Variants in ARHGAP24 observed in about 807,000 individuals in gnomAD.
The protein encoded by ARHGAP24 is Rho GTPase activating protein 24.
In ARHGAP24, 50 loss-of-function variants were observed where a neutral mutation model predicts 76.4. The ratio of observed to expected loss-of-function variants is 0.65; its 90% CI spans 0.52 to 0.83. The LOEUF (loss-of-function observed/expected upper bound fraction) is 0.83. Among genes scored for constraint, ARHGAP24 ranks in the 40% least tolerant of loss-of-function variants. ARHGAP24 has a pLI of 0.00. For missense variants in ARHGAP24, 930 were observed against 914.2 expected (o/e 1.02, Z -0.22); for synonymous variants, 345 against 323.3 (o/e 1.07, Z -0.72).
chr4:85,971,297 A>T (rs1738963257), intron 5 of ARHGAP24, among the ~76,000 whole-genome samples: 1 of 152,206 alleles, frequency 6.6e-6, no homozygotes, highest in African/African-American at 2.4e-5. Context: ...TTTGATATTG[A>T]ATACACACAT....
At chr4:85,640,706 A>G (rs1361974489) in intron 2 of ARHGAP24, among the ~76,000 whole-genome samples, 5 of 152,166 alleles carry the variant, frequency 3.3e-5, no homozygotes. Flanking sequence ...TCAACTGAAT[A>G]AAAGGGTAAC....
At chr4:85,678,717 T>C (rs1723089852) in intron 2 of ARHGAP24, among the ~76,000 whole-genome samples, 1 of 152,198 alleles carries the variant, frequency 6.6e-6, no homozygotes, top group Admixed American at 6.5e-5. Flanking sequence ...CTCATATTCA[T>C]CTGAATTTCA....
rs1214768278 is a variant in ARHGAP24 at position 85,961,525 on chromosome 4, A to G, written c.600-10511A>G. 2.8e-5 allele frequency among the ~76,000 whole-genome samples: 4 copies of G among 141,010 alleles called. No individual in the cohort carries two copies. In the East Asian group the frequency reaches 8.5e-4, roughly 30 times the overall value. The allele number at this position is 141,010 out of a possible 152,430, so 92.5% of individuals were successfully genotyped here. ...GAAAATATATTTTCTAGAAAAGAAT[A>G]TATGTGTTTTTTCATTGTTCATCCC... is the stretch of plus-strand genomic sequence containing the variant. On this transcript the variant is annotated intron_variant, in intron 5 of 9. Transcript: ENST00000395184.
chr4:85,494,149 C>CT (rs1050483861), intron 1 of ARHGAP24, among the ~76,000 whole-genome samples: 3 of 152,036 alleles, frequency 2.0e-5, no homozygotes, highest in Admixed American at 1.3e-4. Flanking sequence ...ATCATGTTTT[C>CT]TTTTTTTTCT....
chr4:85,936,033 G>T lies in ARHGAP24; in HGVS notation c.392-6033G>T, dbSNP rs150286869. On this transcript the variant is annotated intron_variant, in intron 4 of 9. Coordinates refer to ENST00000395184, the MANE Select transcript of ARHGAP24 (RefSeq NM_001025616.3). ...TTGCCTTGCTTTGTTTCTTAGTTCT[G>T]TACTAAAATGGATGTATTTTACTTT... 1.8e-4 allele frequency among the ~76,000 whole-genome samples: 28 copies of T among 152,202 alleles called. No individual in the cohort carries two copies. In the East Asian group the frequency reaches 4.6e-3, roughly 25 times the overall value.
chr4:85,693,823 G>A (rs923776773), intron 2 of ARHGAP24, among the ~76,000 whole-genome samples: 4 of 152,194 alleles, frequency 2.6e-5, no homozygotes, highest in African/African-American at 9.7e-5. Context: ...CAGGGGGCAT[G>A]GGTGCCTATG....
rs193061322 is a variant in ARHGAP24 at position 85,965,703 on chromosome 4, A to G, written c.600-6333A>G. On this transcript the variant is annotated intron_variant, in intron 5 of 9. Coordinates refer to ENST00000395184, the MANE Select transcript of ARHGAP24 (RefSeq NM_001025616.3). Reference sequence around the variant, plus strand: ...GCCAAAGCTTTAACCCAGATCAATTATACCAGAATGTATAAAACCTAGTCA... The same window carrying G: ...GCCAAAGCTTTAACCCAGATCAATTGTACCAGAATGTATAAAACCTAGTCA... Among the ~76,000 whole-genome samples the G allele has an allele frequency of 7.2e-5, 11 of 152,310 alleles. No individual in the cohort carries two copies. The East Asian group carries it at 1.9e-3, about 27-fold the overall frequency.
rs571590023 is a variant in ARHGAP24 at position 85,696,632 on chromosome 4, C to T, written c.181-25253C>T. On this transcript the variant is annotated intron_variant, in intron 2 of 9. Transcript: ENST00000395184. ...ATAAGTTGAATGCCCTGTTATACAT[C>T]TTAAGTTTTACATCAAATGGCAATT... 7.0e-4 allele frequency among the ~76,000 whole-genome samples: 107 copies of T among 152,236 alleles called. 2 individuals are homozygous for T. The highest frequency in any genetic ancestry group is 2.6e-3 in the African/African-American group (106 of 41,528).
At chr4:85,993,690 A>G (rs564449805) in intron 8 of ARHGAP24, among the ~76,000 whole-genome samples, 1 of 152,320 alleles carries the variant, frequency 6.6e-6, no homozygotes, top group East Asian at 1.9e-4. Context: ...TATAGAAACT[A>G]CATAAAATCC....
At chr4:85,507,284 C>G (rs888336212) in intron 1 of ARHGAP24, among the ~76,000 whole-genome samples, 1 of 151,968 alleles carries the variant, frequency 6.6e-6, no homozygotes, top group Admixed American at 6.6e-5. Context: ...TGCAGTGGTG[C>G]GATCATGGCT....
chr4:85,506,126 A>C (rs1724038160), intron 1 of ARHGAP24, among the ~76,000 whole-genome samples: 1 of 152,108 alleles, frequency 6.6e-6, no homozygotes, highest in African/African-American at 2.4e-5. Context: ...TTCGTCCAAG[A>C]GAGGCACCTG....
chr4:85,553,701 C>T (rs1726240212), intron 1 of ARHGAP24, among the ~76,000 whole-genome samples: 1 of 152,210 alleles, frequency 6.6e-6, no homozygotes, highest in African/African-American at 2.4e-5. Flanking sequence ...CTGGCTTCAC[C>T]TCTCAATTGC....
intron 3 of ARHGAP24, among the ~76,000 whole-genome samples, chr4:85,868,898 A>G (rs750406855): frequency 2.0e-5 from 3 of 152,010 alleles, no homozygotes; most frequent in Non-Finnish European, 4.4e-5. Flanking sequence ...TTGCCAGGTT[A>G]CCTTCTCTTT....
intron 3 of ARHGAP24, among the ~76,000 whole-genome samples, chr4:85,798,677 C>T (rs1380598096): frequency 6.6e-6 from 1 of 152,100 alleles, no homozygotes; most frequent in Non-Finnish European, 1.5e-5. Flanking sequence ...ACCGAAGTTA[C>T]AGAATAAATT....
chr4:85,548,357 C>T (rs776641535), intron 1 of ARHGAP24, among the ~76,000 whole-genome samples: 5 of 152,166 alleles, frequency 3.3e-5, no homozygotes, highest in Admixed American at 2.0e-4. Flanking sequence ...TAGGCCCTGT[C>T]AGCCAGAAGC....
At chr4:85,758,611 A>G (rs1169001228) in intron 3 of ARHGAP24, among the ~76,000 whole-genome samples, 3 of 152,186 alleles carry the variant, frequency 2.0e-5, no homozygotes, top group Non-Finnish European at 2.9e-5. Context: ...AAAAGAGATG[A>G]TCCTGGCACC....
At chr4:85,500,024 G>A (rs2110098515) in intron 1 of ARHGAP24, among the ~76,000 whole-genome samples, 1 of 152,122 alleles carries the variant, frequency 6.6e-6, no homozygotes, top group East Asian at 1.9e-4. Context: ...CATCCAAATT[G>A]AGATGTACTG....
intron 8 of ARHGAP24, among the ~76,000 whole-genome samples, chr4:85,984,628 G>A (rs1198905484): frequency 1.3e-5 from 2 of 152,154 alleles, no homozygotes; most frequent in Non-Finnish European, 2.9e-5. Context: ...AGATCAGGGT[G>A]CATCCAAGTG....
intron 3 of ARHGAP24, among the ~76,000 whole-genome samples, chr4:85,797,167 T>TG (rs1454438126): frequency 0.013 from 1,183 of 91,788 alleles, 13 homozygotes; most frequent in African/African-American, 0.032. Context: ...TTTTGTTTTT[T>TG]TTTTTGTTTT....
Sources: allele counts gnomAD v4.1 joint callset (sites outside exome capture counted in the v4.1 genomes callset), GRCh38; gene constraint gnomAD v4.1.1; transcripts MANE v1.5; gene names NCBI Gene and HGNC (gene_info 2026-07-23, HGNC 2026-07-21).